The following PCDH11X variants were observed in gnomAD, a reference collection of about 807,000 sequenced individuals.
PCDH11X encodes the protein protocadherin 11 X-linked, also known as protocadherin-11 X-linked.
In PCDH11X, 18 loss-of-function variants were observed where a neutral mutation model predicts 53.3. The ratio of observed to expected loss-of-function variants is 0.34; its 90% CI spans 0.23 to 0.50. PCDH11X has a LOEUF of 0.50. Ranked by LOEUF, PCDH11X falls within the 20% of genes least tolerant of loss-of-function variation. The pLI is 0.98. For synonymous variants in PCDH11X, 279 were observed against 393.3 expected, an observed-to-expected ratio of 0.71 and a Z score of 3.44; for missense variants, 570 against 1,032.4, an observed-to-expected ratio of 0.55 and a Z score of 6.14.
chrX:92,429,181 T>A (rs2072193425), intron 9 of PCDH11X, among the ~76,000 whole-genome samples: 2 of 111,644 alleles, frequency 1.8e-5, no homozygotes, highest in Non-Finnish European at 3.8e-5. Context: ...CCCTTCTACC[T>A]GTATCATAAA....
intron 6 of PCDH11X, among the ~76,000 whole-genome samples, chrX:92,149,942 T>C (rs146161123): frequency 1.3e-3 from 141 of 112,075 alleles, no homozygotes; most frequent in Non-Finnish European, 2.4e-3. Flanking sequence ...TATTCCTTTT[T>C]ATTGCTAAAT....
At chrX:91,817,774 T>G (rs2147573874) in intron 4 of PCDH11X, among the ~76,000 whole-genome samples, 1 of 111,530 alleles carries the variant, frequency 9.0e-6, no homozygotes. Flanking sequence ...AGAGAGTTCT[T>G]TTTTCAAGGC....
intron 7 of PCDH11X, among the ~76,000 whole-genome samples, chrX:92,224,143 G>A (rs1288601449): frequency 8.9e-6 from 1 of 111,748 alleles, no homozygotes; most frequent in Non-Finnish European, 1.9e-5. Flanking sequence ...TTGACAGTAG[G>A]TGATTCAGAA....
chrX:92,491,687 C>T (rs1326971386), intron 10 of PCDH11X, among the ~76,000 whole-genome samples: 1 of 111,009 alleles, frequency 9.0e-6, no homozygotes, highest in Non-Finnish European at 1.9e-5. Flanking sequence ...ACCTATTCAT[C>T]CTACATAGCT....
At chrX:91,993,667 A>C (rs2147947032) in intron 6 of PCDH11X, among the ~76,000 whole-genome samples, 1 of 111,466 alleles carries the variant, frequency 9.0e-6, no homozygotes, top group Non-Finnish European at 1.9e-5. Context: ...TCTGGGAAGT[A>C]ATAAATTTAG....
In PCDH11X at chrX:91,802,694, G is replaced by A. The variant is rs752558273; in HGVS notation, c.-378-6772G>A. 9.9e-5 allele frequency among the ~76,000 whole-genome samples: 11 copies of A among 111,308 alleles called. No individual in the cohort carries two copies. The South Asian group carries it at 1.5e-3, about 15-fold the overall frequency. On this transcript the variant is annotated intron_variant, in intron 1 of 10. Coordinates refer to ENST00000682573, the MANE Select transcript of PCDH11X (RefSeq NM_032968.5). ...ATATCTATATAGAATATATGAAGTC[G>A]GACTACATGAAATTTCTATTTTTCA... is the stretch of plus-strand genomic sequence containing the variant.
chrX:92,226,479 G>A (rs2066973681), intron 7 of PCDH11X, among the ~76,000 whole-genome samples: 1 of 111,346 alleles, frequency 9.0e-6, no homozygotes, highest in Admixed American at 9.6e-5. Flanking sequence ...AATCAAACAA[G>A]GTAGTATAGC....
At chrX:92,288,039 G>A (rs1351923534) in intron 8 of PCDH11X, 2 of 510,590 alleles carry the variant, frequency 3.9e-6, no homozygotes, top group African/African-American at 2.3e-5. Context: ...GCATAAACCT[G>A]TATAGCCTGC....
chrX:91,874,471 A>G (rs1939490316), intron 5 of PCDH11X, among the ~76,000 whole-genome samples: 1 of 111,683 alleles, frequency 9.0e-6, no homozygotes, highest in African/African-American at 3.2e-5. Context: ...TGTATGAATT[A>G]AAAACAAAAT....
At chrX:92,587,885 T>C (rs1924572773) in intron 10 of PCDH11X, among the ~76,000 whole-genome samples, 1 of 111,290 alleles carries the variant, frequency 9.0e-6, no homozygotes, top group Admixed American at 9.6e-5. Flanking sequence ...CAAGTTTCCT[T>C]TTCATCATGA....
chrX:91,947,404 C>T (rs1300357492), intron 6 of PCDH11X, among the ~76,000 whole-genome samples: 1 of 101,409 alleles, frequency 9.9e-6, no homozygotes, highest in Non-Finnish European at 2.0e-5. Context: ...ATGTGTTTTG[C>T]ATACATACAC....
intron 6 of PCDH11X, among the ~76,000 whole-genome samples, chrX:91,964,410 C>T (rs1035883883): frequency 2.7e-5 from 3 of 110,829 alleles, no homozygotes; most frequent in Non-Finnish European, 5.7e-5. Flanking sequence ...AGAGTCTTGC[C>T]TAAGACTTGT....
rs1195498875 is a variant in PCDH11X at position 92,387,827 on chromosome X, C to T, written c.3237C>T (p.Thr1079=). The T allele has an allele frequency of 8.3e-7, 1 of 1,209,912 alleles. No homozygotes were observed. The highest frequency in any genetic ancestry group is 1.7e-5 in the African/African-American group (1 of 57,163). The part of the protein sequence containing the change: ...GLGDHDAGSL[T]STSHGLPLGY... ...GAGACCATGATGCAGGCAGCCTTAC[C>T]AGCACATCTCATGGCCTGCCCCTTG... The change falls in exon 9 of 11, where the codon ACC becomes ACT. Residue 1079 remains threonine, a synonymous_variant. Transcript: ENST00000682573.
chrX:92,010,514 C>T (rs755322514), intron 6 of PCDH11X, among the ~76,000 whole-genome samples: 5 of 110,748 alleles, frequency 4.5e-5, no homozygotes, highest in East Asian at 2.8e-4. Context: ...ATGACCGGTA[C>T]GTAGGTACTG....
intron 6 of PCDH11X, among the ~76,000 whole-genome samples, chrX:92,009,267 G>C (rs1339621512): frequency 9.0e-6 from 1 of 111,613 alleles, no homozygotes; most frequent in Non-Finnish European, 1.9e-5. Flanking sequence ...GCTGTGGTTT[G>C]CTATAATTTT....
chrX:92,170,201 A>G (rs1420186789), intron 6 of PCDH11X, among the ~76,000 whole-genome samples: 1 of 111,316 alleles, frequency 9.0e-6, no homozygotes, highest in African/African-American at 3.3e-5. Flanking sequence ...GGAACTCAGG[A>G]CAAGGATGAA....
rs1290489328 is a variant in PCDH11X, at chrX:91,824,338, A to T, written c.-44-11123A>T. On this transcript the variant is annotated intron_variant, in intron 4 of 10. Coordinates refer to ENST00000682573, the MANE Select transcript of PCDH11X (RefSeq NM_032968.5). ...AATCAGACGTAGATTTGGTCTTTTC[A>T]CATAGTCCCATATTTCTTGGAGGCT... Among the ~76,000 whole-genome samples the T allele has an allele frequency of 2.7e-5, 3 of 109,735 alleles. No individual in the cohort carries two copies. In the Admixed American group the frequency reaches 2.9e-4, roughly 11 times the overall value.
At chrX:92,493,789 G>A (rs1315399392) in intron 10 of PCDH11X, among the ~76,000 whole-genome samples, 1 of 105,081 alleles carries the variant, frequency 9.5e-6, no homozygotes, top group African/African-American at 3.5e-5. Flanking sequence ...TGGGATTACA[G>A]GTGCACACCA....
At chrX:91,840,435 C>A (rs1937486407) in intron 5 of PCDH11X, among the ~76,000 whole-genome samples, 1 of 111,690 alleles carries the variant, frequency 9.0e-6, no homozygotes, top group African/African-American at 3.3e-5. Flanking sequence ...GCATCCTCAT[C>A]TTTTCCATGA....
Sources: allele counts gnomAD v4.1 joint callset (sites outside exome capture counted in the v4.1 genomes callset), GRCh38; gene constraint gnomAD v4.1.1; transcripts MANE v1.5; gene names NCBI Gene and HGNC (gene_info 2026-07-23, HGNC 2026-07-21).